SAMD12: variants seen among roughly 807,000 people sequenced by gnomAD.
SAMD12 encodes the protein sterile alpha motif domain-containing protein 12.
Under a neutral mutation model 15.0 loss-of-function variants are expected in SAMD12, and 9 were observed. That is an observed-to-expected ratio of 0.60 (90% CI 0.36 to 1.05). The LOEUF (loss-of-function observed/expected upper bound fraction) is 1.05, where lower values mean the gene tolerates loss of function less well. SAMD12 is among the 50% of genes least tolerant of loss of function. SAMD12 has a pLI of 0.01. For synonymous variants in SAMD12, 86 were observed against 90.1 expected, an observed-to-expected ratio of 0.96 and a Z score of 0.25; for missense variants, 230 against 234.2, an observed-to-expected ratio of 0.98 and a Z score of 0.12.
At chr8:118,435,249 A>T (rs1586714552) in intron 3 of SAMD12, among the ~76,000 whole-genome samples, 1 of 152,170 alleles carries the variant, frequency 6.6e-6, no homozygotes, top group South Asian at 2.1e-4. Flanking sequence ...GTACAATATG[A>T]TATTTCAAGA....
At chr8:118,185,566 C>G (rs1819228930), downstream of SAMD12, among the ~76,000 whole-genome samples, 2 of 152,154 alleles carry the variant, frequency 1.3e-5, 1 homozygote, top group Admixed American at 1.3e-4. Flanking sequence ...TAATTATGTG[C>G]TTACTTTAAA....
chr8:118,358,418 G>T (rs546913576), intron 4 of SAMD12, among the ~76,000 whole-genome samples: 3 of 152,084 alleles, frequency 2.0e-5, no homozygotes, highest in African/African-American at 7.2e-5. Context: ...CTTTCAAATC[G>T]CATTAAGTCT....
chr8:118,437,340 G>C, intron 3 of SAMD12, among the ~76,000 whole-genome samples: 1 of 152,164 alleles, frequency 6.6e-6, no homozygotes, highest in Admixed American at 6.5e-5. Flanking sequence ...AAGTTAATCT[G>C]AAATCATTCT....
chr8:118,397,616 C>G (rs1466028590), intron 3 of SAMD12, among the ~76,000 whole-genome samples: 1 of 152,070 alleles, frequency 6.6e-6, no homozygotes, highest in Non-Finnish European at 1.5e-5. Context: ...GAAATTGAAC[C>G]ATAAACCTTT....
chr8:118,347,352 C>T (rs1817716585), intron 4 of SAMD12, among the ~76,000 whole-genome samples: 1 of 152,202 alleles, frequency 6.6e-6, no homozygotes, highest in Non-Finnish European at 1.5e-5. Context: ...GCACAGTGAA[C>T]CATTCTGGTT....
At chr8:118,283,797 G>A (rs1481635209) in intron 4 of SAMD12, among the ~76,000 whole-genome samples, 1 of 152,190 alleles carries the variant, frequency 6.6e-6, no homozygotes, top group Non-Finnish European at 1.5e-5. Flanking sequence ...AGGAGATTGA[G>A]CAGATGAATA....
intron 4 of SAMD12, among the ~76,000 whole-genome samples, chr8:118,287,652 GGAAAGAAA>G (rs900205921): frequency 2.4e-4 from 36 of 152,188 alleles, no homozygotes; most frequent in African/African-American, 7.9e-4. Flanking sequence ...GTAATTAAGA[GGAAAGAAA>G]GAAAGGACTA....
At chr8:118,489,732 C>T (rs376345384) in intron 2 of SAMD12, among the ~76,000 whole-genome samples, 33 of 152,116 alleles carry the variant, frequency 2.2e-4, no homozygotes, top group Non-Finnish European at 2.8e-4. Context: ...ATTTTTAGCT[C>T]GTAATGTCCT....
chr8:118,460,298 C>T (rs1823377569), intron 2 of SAMD12, among the ~76,000 whole-genome samples: 1 of 152,178 alleles, frequency 6.6e-6, no homozygotes, highest in Admixed American at 6.5e-5. Context: ...AAGGAAGGTT[C>T]ATTTATTCAA....
intron 2 of SAMD12, among the ~76,000 whole-genome samples, chr8:118,500,437 G>A (rs1824751668): frequency 6.6e-6 from 1 of 151,754 alleles, no homozygotes; most frequent in Non-Finnish European, 1.5e-5. Context: ...GTTCTCAAAT[G>A]TGATTAGAAC....
chr8:118,497,848 CAT>C (rs1342978660), intron 2 of SAMD12, among the ~76,000 whole-genome samples: 1 of 151,306 alleles, frequency 6.6e-6, no homozygotes, highest in African/African-American at 2.4e-5. Flanking sequence ...AGTTTTCAGA[CAT>C]GTAAAAATGG....
chr8:118,405,763 T>C (rs989685636), intron 3 of SAMD12, among the ~76,000 whole-genome samples: 1 of 152,136 alleles, frequency 6.6e-6, no homozygotes, highest in African/African-American at 2.4e-5. Context: ...TTTGAAAGTG[T>C]GAAAAAGTTT....
At chr8:118,605,201 GGAT>G (rs1294740956) in intron 1 of SAMD12, among the ~76,000 whole-genome samples, 1 of 152,098 alleles carries the variant, frequency 6.6e-6, no homozygotes, top group African/African-American at 2.4e-5. Flanking sequence ...GAACAGAAAG[GGAT>G]GATACCTTTT....
Position 118,544,112 on chromosome 8 carries a change from G to A in SAMD12, c.192+36603C>T, listed in dbSNP as rs190551224. Among the ~76,000 whole-genome samples the A allele has an allele frequency of 2.8e-3, 419 of 151,986 alleles. 1 individual carries two copies. Among genetic ancestry groups the A allele is most frequent in the Non-Finnish European group, 3.8e-3 (260 of 67,998 alleles). On this transcript the variant is annotated intron_variant, in intron 2 of 3. Transcript: ENST00000314727. ...TCTCCATGGTTTAGGCGAGTCCGTCGGCTCTTCTCCAAATGGCAATACTCA... is the reference window on the plus strand; with the variant it reads ...TCTCCATGGTTTAGGCGAGTCCGTCAGCTCTTCTCCAAATGGCAATACTCA...
At chr8:118,478,013 CAAAAAAAAAA>C (rs10629817) in intron 2 of SAMD12, among the ~76,000 whole-genome samples, 2 of 88,278 alleles carry the variant, frequency 2.3e-5, no homozygotes, top group Non-Finnish European at 4.3e-5. Context: ...GACCCTGTCT[CAAAAAAAAAA>C]AAAAAAAAAG....
At position 118,486,584 on chromosome 8, in the gene SAMD12, C is replaced by T. The variant is rs189122035; in HGVS notation, c.193-46623G>A. Among the ~76,000 whole-genome samples the T allele has an allele frequency of 3.3e-3, 506 of 152,190 alleles. 3 individuals carry two copies. The highest frequency in any genetic ancestry group is 0.012 in the African/African-American group (486 of 41,532). On this transcript the variant is annotated intron_variant, in intron 2 of 3. Transcript: ENST00000314727. ...CAAGAAAACAGATTCCTTCCAGAGCCTCCAGAAAGGAAAGTGGCCCTGCTT... is the reference window on the plus strand; with the variant it reads ...CAAGAAAACAGATTCCTTCCAGAGCTTCCAGAAAGGAAAGTGGCCCTGCTT...
At chr8:118,442,480 CTT>C (rs1190680922) in intron 2 of SAMD12, among the ~76,000 whole-genome samples, 2 of 152,174 alleles carry the variant, frequency 1.3e-5, no homozygotes, top group Non-Finnish European at 2.9e-5. Context: ...ACCATATTGA[CTT>C]TGCCTAATTT....
chr8:118,248,963 G>A lies in SAMD12; in HGVS notation c.434-51231C>T, dbSNP rs117817966. Among the ~76,000 whole-genome samples the A allele has an allele frequency of 7.2e-5, 11 of 152,260 alleles. No homozygotes were observed. In the East Asian group the frequency reaches 2.1e-3, roughly 29 times the overall value. On this transcript the variant is annotated intron_variant, in intron 4 of 4. Coordinates refer to the SAMD12 transcript ENST00000409003. Reference sequence around the variant, plus strand: ...TTTATAAAATAAAAGGCATGTGTGTGTGTGTATTTGTAGAGTCATTGATCC... The same window carrying A: ...TTTATAAAATAAAAGGCATGTGTGTATGTGTATTTGTAGAGTCATTGATCC...
chr8:118,250,076 G>C (rs1320197284), intron 4 of SAMD12, among the ~76,000 whole-genome samples: 1 of 152,112 alleles, frequency 6.6e-6, no homozygotes, highest in African/African-American at 2.4e-5. Context: ...TTTGGAATGG[G>C]AGGCTCAGCC....
Sources: gnomAD v4.1 joint callset for allele counts (sites outside exome capture counted in the v4.1 genomes callset) on GRCh38, gnomAD v4.1.1 for gene constraint, MANE v1.5 for transcripts, NCBI Gene and HGNC (gene_info 2026-07-23, HGNC 2026-07-21) for gene names.